Variants in SLC9C1 observed in about 807,000 individuals in gnomAD.
SLC9C1 encodes the protein sodium/hydrogen exchanger 10.
A neutral mutation model predicts 140.9 loss-of-function variants in SLC9C1; 97 were observed. The ratio of observed to expected loss-of-function variants is 0.69; its 90% CI spans 0.58 to 0.82. The LOEUF (loss-of-function observed/expected upper bound fraction) is 0.82. SLC9C1 is among the 40% of genes least tolerant of loss of function. The pLI is 0.00. For missense variants in SLC9C1, 1,340 were observed against 1,389.3 expected, an observed-to-expected ratio of 0.96 and a Z score of 0.56; for synonymous variants, 440 against 442.6, an observed-to-expected ratio of 0.99 and a Z score of 0.07.
intron 25 of SLC9C1, among the ~76,000 whole-genome samples, chr3:112,168,164 A>G (rs1198334694): frequency 2.5e-5 from 3 of 118,800 alleles, no homozygotes; most frequent in Non-Finnish European, 5.7e-5. Context: ...ATAAGTTGTA[A>G]GTATCATTTT....
At chr3:112,162,043 C>G (rs200152698) in intron 26 of SLC9C1, among the ~76,000 whole-genome samples, 21 of 152,200 alleles carry the variant, frequency 1.4e-4, no homozygotes, top group Middle Eastern at 3.4e-3. Context: ...TTGTGAATGG[C>G]AGTTCACTCA....
At chr3:112,265,297 G>A (rs1252727557) in intron 8 of SLC9C1, among the ~76,000 whole-genome samples, 3 of 151,980 alleles carry the variant, frequency 2.0e-5, no homozygotes, top group African/African-American at 7.2e-5. Flanking sequence ...GAGCAAGAAG[G>A]GGAGGAAAAC....
At position 112,278,877 on chromosome 3, in the gene SLC9C1, T is replaced by C; in HGVS notation, c.190-20A>G. The C allele has an allele frequency of 6.3e-7, 1 of 1,594,908 alleles. No homozygotes were observed. The highest frequency in any genetic ancestry group is 8.5e-7 in the Non-Finnish European group (1 of 1,173,604). ...TTGGACCTAATATTATACAAATATA[T>C]CATCTTCTCATTTATTCATCACTAT... On this transcript the variant is annotated intron_variant, in intron 3 of 28. Coordinates refer to ENST00000305815, the MANE Select transcript of SLC9C1 (RefSeq NM_183061.3).
chr3:112,252,213 G>A (rs1343729933), intron 10 of SLC9C1, among the ~76,000 whole-genome samples: 1 of 152,018 alleles, frequency 6.6e-6, no homozygotes, highest in Admixed American at 6.6e-5. Context: ...GGTGACTAGG[G>A]ACTGGAAAAG....
At chr3:112,234,053 C>T (rs553497923) in intron 12 of SLC9C1, among the ~76,000 whole-genome samples, 12 of 152,274 alleles carry the variant, frequency 7.9e-5, no homozygotes, top group Non-Finnish European at 1.2e-4. Context: ...GAGGAATTGC[C>T]GCACTGTCTT....
At chr3:112,271,969 T>C (rs2080090567) in intron 6 of SLC9C1, among the ~76,000 whole-genome samples, 1 of 152,278 alleles carries the variant, frequency 6.6e-6, no homozygotes, top group East Asian at 1.9e-4. Context: ...AAAAGATATT[T>C]GCTTCTTTGG....
At chr3:112,181,786 GA>G (rs546775627) in intron 21 of SLC9C1, among the ~76,000 whole-genome samples, 33 of 140,972 alleles carry the variant, frequency 2.3e-4, no homozygotes, top group East Asian at 1.2e-3. Context: ...GGAAAAGTTT[GA>G]AAAAAAAAAA....
At chr3:112,230,594 T>C (rs2078794188) in intron 13 of SLC9C1, among the ~76,000 whole-genome samples, 7 of 152,158 alleles carry the variant, frequency 4.6e-5, no homozygotes, top group Admixed American at 4.6e-4. Flanking sequence ...AAGACTACTG[T>C]TGAAGAGAGA....
At chr3:112,188,101 A>G (rs1277814121) in intron 20 of SLC9C1, among the ~76,000 whole-genome samples, 3 of 152,166 alleles carry the variant, frequency 2.0e-5, no homozygotes, top group Non-Finnish European at 4.4e-5. Context: ...AATTTATATA[A>G]CCATCTCCAA....
intron 1 of SLC9C1, among the ~76,000 whole-genome samples, chr3:112,289,302 A>G (rs965135318): frequency 2.0e-5 from 3 of 152,232 alleles, no homozygotes; most frequent in African/African-American, 7.2e-5. Flanking sequence ...GAAATAACCT[A>G]TTAGAGGATC....
At chr3:112,212,079 GAT>G (rs2108079475) in intron 15 of SLC9C1, among the ~76,000 whole-genome samples, 1 of 152,336 alleles carries the variant, frequency 6.6e-6, no homozygotes, top group African/African-American at 2.4e-5. Context: ...CTCTGCTGCT[GAT>G]ACCCAGGCAA....
At chr3:112,251,578 G>A (rs183690579) in intron 10 of SLC9C1, among the ~76,000 whole-genome samples, 17 of 152,240 alleles carry the variant, frequency 1.1e-4, no homozygotes, top group Middle Eastern at 3.4e-3. Context: ...AGTAGCAATG[G>A]TCTACAGGCA....
chr3:112,257,063 T>C (rs2079628237), intron 10 of SLC9C1, among the ~76,000 whole-genome samples: 1 of 151,964 alleles, frequency 6.6e-6, no homozygotes, highest in Admixed American at 6.6e-5. Flanking sequence ...ATGACACAAA[T>C]GAATGGAAAA....
intron 20 of SLC9C1, among the ~76,000 whole-genome samples, chr3:112,191,206 G>T (rs1035166402): frequency 6.6e-6 from 1 of 152,020 alleles, no homozygotes; most frequent in African/African-American, 2.4e-5. Context: ...TTCTTCTCAT[G>T]CCTAACTGCT....
intron 28 of SLC9C1, chr3:112,151,493 G>A: frequency 1.9e-6 from 1 of 519,958 alleles, no homozygotes; most frequent in Non-Finnish European, 3.8e-6. Flanking sequence ...TTCTTAACTA[G>A]AACATAAACA....
At chr3:112,223,722 A>G (rs2078604168) in intron 13 of SLC9C1, among the ~76,000 whole-genome samples, 1 of 152,230 alleles carries the variant, frequency 6.6e-6, no homozygotes, top group African/African-American at 2.4e-5. Context: ...ATTAGATCCT[A>G]TAATAAACCT....
intron 26 of SLC9C1, among the ~76,000 whole-genome samples, chr3:112,161,894 A>G (rs2075311018): frequency 6.6e-6 from 1 of 150,624 alleles, no homozygotes; most frequent in Non-Finnish European, 1.5e-5. Flanking sequence ...GATTCTTCCT[A>G]CCCATGAGCA....
At chr3:112,241,296 CAT>C (rs2079132013) in intron 11 of SLC9C1, among the ~76,000 whole-genome samples, 1 of 151,898 alleles carries the variant, frequency 6.6e-6, no homozygotes, top group South Asian at 2.1e-4. Context: ...ACCCCACAAA[CAT>C]ATACACCTAC....
intron 10 of SLC9C1, among the ~76,000 whole-genome samples, chr3:112,245,325 A>G (rs2079251659): frequency 6.6e-6 from 1 of 152,112 alleles, no homozygotes; most frequent in South Asian, 2.1e-4. Context: ...TTGGGTTACC[A>G]TTGTATTTTC....
Sources: gnomAD v4.1 joint callset for allele counts (sites outside exome capture counted in the v4.1 genomes callset) on GRCh38, gnomAD v4.1.1 for gene constraint, MANE v1.5 for transcripts, NCBI Gene and HGNC (gene_info 2026-07-23, HGNC 2026-07-21) for gene names.